PTPN3: variants seen among roughly 807,000 people sequenced by gnomAD.
PTPN3 encodes protein tyrosine phosphatase non-receptor type 3, also known as tyrosine-protein phosphatase non-receptor type 3.
Under a neutral mutation model 132.7 loss-of-function variants are expected in PTPN3, and 96 were observed. The observed-to-expected ratio is 0.72, with a 90% confidence interval of 0.61 to 0.86. The LOEUF (loss-of-function observed/expected upper bound fraction) is 0.86, where lower values mean the gene tolerates loss of function less well. Among genes scored for constraint, PTPN3 ranks in the 40% least tolerant of loss-of-function variants. PTPN3 has a pLI of 0.00. For missense variants in PTPN3, 1,125 were observed against 1,159.6 expected (o/e 0.97, Z 0.43); for synonymous variants, 398 against 429.0 (o/e 0.93, Z 0.89).
chr9:109,508,903 A>G, the PTPN3 span, among the ~76,000 whole-genome samples: 1 of 152,090 alleles, frequency 6.6e-6, no homozygotes, highest in African/African-American at 2.4e-5. Flanking sequence ...TAGTTGTGTT[A>G]GAAGGTCTGC....
At chr9:109,504,761 T>C in the PTPN3 span, among the ~76,000 whole-genome samples, 1 of 151,686 alleles carries the variant, frequency 6.6e-6, no homozygotes, top group Non-Finnish European at 1.5e-5. Context: ...GTAGGGACTT[T>C]AAGATCCTTC....
At chr9:109,454,374 CATT>C (rs1845450757) in intron 5 of PTPN3, 119 bp downstream of exon 5, 1 of 823,444 alleles carries the variant, frequency 1.2e-6, no homozygotes, top group African/African-American at 1.7e-5. Context: ...CTTGGATCAT[CATT>C]GTTGGTGTAG....
At chr9:109,534,311 G>C in the PTPN3 span, 1 of 1,526,656 alleles carries the variant, frequency 6.6e-7, no homozygotes, top group African/African-American at 1.4e-5. Flanking sequence ...GGCGGCTGCT[G>C]GGTCTCGGCC....
chr9:109,422,953 C>T (rs900325884), intron 12 of PTPN3, 101 bp from the exon 13 acceptor site: 15 of 1,443,324 alleles, frequency 1.0e-5, no homozygotes, highest in Admixed American at 3.9e-5. Flanking sequence ...GTCTGAAGGA[C>T]GGCAGGTTAA....
At chr9:109,534,987 A>G in the PTPN3 span, among the ~76,000 whole-genome samples, 1 of 152,214 alleles carries the variant, frequency 6.6e-6, no homozygotes, top group East Asian at 1.9e-4. Flanking sequence ...CTTCCTTGGT[A>G]AAGTATTTGT....
rs1027002285 is a variant in PTPN3 at position 109,387,427 on chromosome 9, T to G, written c.2253+1806A>C. ...AACCTCTTCCTGTCACCTCACATGA[T>G]CCTCATGGCAACCCAGGGGCCCCTA... On this transcript the variant is annotated intron_variant, in intron 22 of 25. Coordinates refer to ENST00000374541, the MANE Select transcript of PTPN3 (RefSeq NM_002829.4). Among the ~76,000 whole-genome samples, 47 of 152,152 alleles carry G rather than the reference T, an allele frequency of 3.1e-4. 2 individuals carry two copies. Among genetic ancestry groups the G allele is most frequent in the Non-Finnish European group, 2.9e-5 (2 of 68,022 alleles).
At chr9:109,425,184 C>T (rs960661752) in intron 12 of PTPN3, among the ~76,000 whole-genome samples, 1 of 152,148 alleles carries the variant, frequency 6.6e-6, no homozygotes, top group Admixed American at 6.5e-5. Flanking sequence ...TCATCAGAAG[C>T]TGAGAGATAG....
chr9:109,408,738 A>G (rs2131746240), intron 16 of PTPN3, among the ~76,000 whole-genome samples: 1 of 150,306 alleles, frequency 6.7e-6, no homozygotes, highest in East Asian at 1.9e-4. Context: ...CTGCTAGAAC[A>G]AACCTGCACG....
chr9:109,523,218 G>A, the PTPN3 span, among the ~76,000 whole-genome samples: 2 of 151,616 alleles, frequency 1.3e-5, no homozygotes, highest in African/African-American at 2.4e-5. Flanking sequence ...AGGTTCAAGC[G>A]ATTCTCCTGC....
intron 19 of PTPN3, among the ~76,000 whole-genome samples, chr9:109,393,908 G>A (rs1840349555): frequency 6.6e-6 from 1 of 152,144 alleles, no homozygotes; most frequent in South Asian, 2.1e-4. Context: ...GAGAGTTTGG[G>A]TCATAATAAT....
rs1847036545 is a variant in PTPN3, at chr9:109,483,080, G to GAA, written c.-18+15137_-18+15138dup. On this transcript the variant is annotated intron_variant, in intron 1 of 25. Transcript: ENST00000374541. ...CTGTCCTTTCCTGAAGGCAGCAGAA[G>GAA]AAAAGTAGGTTTGCTCTTGGCTCCC... Among the ~76,000 whole-genome samples the GAA allele has an allele frequency of 2.0e-5, 3 of 152,218 alleles. No individual in the cohort carries two copies. The South Asian group carries it at 6.2e-4, about 31-fold the overall frequency.
the PTPN3 span, among the ~76,000 whole-genome samples, chr9:109,505,823 C>T: frequency 8.6e-5 from 13 of 151,644 alleles, no homozygotes. Flanking sequence ...GATCTCGGCT[C>T]ACTGCAAGCT....
At chr9:109,393,467 C>A (rs1432433364) in intron 19 of PTPN3, among the ~76,000 whole-genome samples, 1 of 147,192 alleles carries the variant, frequency 6.8e-6, no homozygotes, top group Non-Finnish European at 1.5e-5. Context: ...CTCACTGTAA[C>A]CTCCATCCCC....
At chr9:109,472,093 A>C (rs774221433) in intron 1 of PTPN3, among the ~76,000 whole-genome samples, 9 of 152,232 alleles carry the variant, frequency 5.9e-5, no homozygotes, top group Non-Finnish European at 1.2e-4. Context: ...ATGAAGTAAC[A>C]GATTTTCCAG....
In PTPN3 at chr9:109,457,297, A is replaced by G. The variant is rs755413839; in HGVS notation, c.241T>C (p.Ser81Pro). Residue 81 changes from serine (S) to proline (P), a missense_variant, in exon 3 of 26, where the codon TCT becomes CCT. Transcript: ENST00000374541. ...GLQHDDDSVD[S>P]PRWLEASKAI... ...TTTTTAAAAATGGCACTTACAGGAGAGTCCACGGAGTCGTCATCATGCTGT... is the reference window on the plus strand; with the variant it reads ...TTTTTAAAAATGGCACTTACAGGAGGGTCCACGGAGTCGTCATCATGCTGT... 5.6e-6 allele frequency: 9 copies of G among 1,613,638 alleles called. No homozygotes were observed. In the African/African-American group the frequency reaches 1.1e-4, roughly 19 times the overall value.
At chr9:109,520,540 A>C in the PTPN3 span, among the ~76,000 whole-genome samples, 1 of 152,254 alleles carries the variant, frequency 6.6e-6, no homozygotes, top group Non-Finnish European at 1.5e-5. Flanking sequence ...GCTGGGGATC[A>C]GCTGTGTGAT....
chr9:109,417,749 C>G (rs1189343832), intron 14 of PTPN3: 2 of 985,244 alleles, frequency 2.0e-6, no homozygotes, highest in Non-Finnish European at 2.4e-6. Context: ...CAGTCACTAA[C>G]TTGACCCCCT....
At chr9:109,533,966 G>A in the PTPN3 span, 4 of 757,252 alleles carry the variant, frequency 5.3e-6, no homozygotes, top group South Asian at 2.9e-5. Flanking sequence ...AACATGTGCT[G>A]CCTCTGCACC....
intron 14 of PTPN3, among the ~76,000 whole-genome samples, chr9:109,416,995 A>C (rs950461708): frequency 6.6e-6 from 1 of 152,172 alleles, no homozygotes; most frequent in Non-Finnish European, 1.5e-5. Context: ...CTCTTTCTTT[A>C]GGGAACATTC....
Sources: allele counts gnomAD v4.1 joint callset (sites outside exome capture counted in the v4.1 genomes callset), GRCh38; gene constraint gnomAD v4.1.1; transcripts MANE v1.5; gene names NCBI Gene and HGNC (gene_info 2026-07-23, HGNC 2026-07-21).